The following CCDC186 variants were observed in gnomAD, a reference collection of about 807,000 sequenced individuals.
CCDC186 encodes the protein coiled-coil domain containing 186, also known as coiled-coil domain-containing protein 186.
In CCDC186, 49 loss-of-function variants were observed where a neutral mutation model predicts 113.7. The ratio of observed to expected loss-of-function variants is 0.43; its 90% confidence interval spans 0.34 to 0.55. The LOEUF is 0.55. Among genes scored for constraint, CCDC186 ranks in the 20% least tolerant of loss-of-function variants. The pLI, the probability that CCDC186 is intolerant of heterozygous loss-of-function variation, is 0.02. For synonymous variants in CCDC186, 355 were observed against 345.8 expected, an observed-to-expected ratio of 1.03 and a Z score of -0.30; for missense variants, 890 against 1,011.1, an observed-to-expected ratio of 0.88 and a Z score of 1.62.
At chr10:114,173,016 C>T in intron 1 of CCDC186, 1 of 289,374 alleles carries the variant, frequency 3.5e-6, no homozygotes, top group Non-Finnish European at 7.2e-6. Flanking sequence ...TGACTACCAG[C>T]ACACCTCTTG....
intron 10 of CCDC186, among the ~76,000 whole-genome samples, chr10:114,132,986 C>T (rs1254950262): frequency 1.3e-5 from 2 of 152,142 alleles, no homozygotes; most frequent in Non-Finnish European, 2.9e-5. Flanking sequence ...GGACAGGTCA[C>T]TAATCTTACA....
In CCDC186 at chr10:114,122,325, CAAAA is replaced by C. The variant is rs1210896054; in HGVS notation, c.*2814_*2817del. ...TGGTTATGAAGATAGAAAGTAAAAA[CAAAA>C]AAACCCCATCAAAGTTCAAATTCAT... On this transcript the variant is annotated 3_prime_UTR_variant, in exon 16 of 16. Coordinates refer to ENST00000369287, the MANE Select transcript of CCDC186 (RefSeq NM_018017.4). 1.3e-5 allele frequency: 2 copies of C among 151,898 alleles called. No homozygotes were observed. The highest frequency in any genetic ancestry group is 2.9e-5 in the Non-Finnish European group (2 of 67,930). The allele number at this position is 151,898 out of a possible 1,614,324, so 9.4% of individuals were successfully genotyped here.
chr10:114,140,496 A>C (rs1258097691), intron 6 of CCDC186, among the ~76,000 whole-genome samples: 1 of 152,258 alleles, frequency 6.6e-6, no homozygotes, highest in South Asian at 2.1e-4. Flanking sequence ...AGATGCCTTA[A>C]GTCATCCAAG....
In CCDC186 at chr10:114,162,645, G is replaced by T. The variant is rs761277253; in HGVS notation, c.624C>A (p.Ile208=). The part of the protein sequence containing the change: ...VQDKYLQQEH[I]IKKLIKENKK... ...AGGTATAAAAAACTTACTTTTTTAT[G>T]ATATGTTCCTGCTGCAAATATTTAT... Residue 208 remains isoleucine, a synonymous_variant, in exon 2 of 16, where the codon ATC becomes ATA. Coordinates refer to ENST00000369287, the MANE Select transcript of CCDC186 (RefSeq NM_018017.4). 2 of 1,559,724 alleles carry T rather than the reference G, an allele frequency of 1.3e-6. No homozygotes were observed. Among genetic ancestry groups the T allele is most frequent in the Admixed American group, 4.3e-5 (2 of 46,702 alleles).
chr10:114,162,612 T>A (rs1471596529), intron 2 of CCDC186, 25 bp downstream of exon 2: 10 of 1,471,076 alleles, frequency 6.8e-6, no homozygotes, highest in Non-Finnish European at 8.2e-6. Context: ...GGAAAAAAAA[T>A]AACCTAAAGG....
Position 114,126,061 on chromosome 10 carries a change from G to C in CCDC186, c.2438C>G (p.Ser813Cys). Residue 813 changes from serine to cysteine, a missense_variant, in exon 15 of 16, where the codon TCT (serine) becomes TGT (cysteine). Physicochemically the swap from Ser to Cys is moderately radical, Grantham distance 112. Coordinates refer to ENST00000369287, the MANE Select transcript of CCDC186 (RefSeq NM_018017.4). The part of the protein sequence containing the change: ...YILREESGTL[S>C]SEASDFNKVH... The stretch of plus-strand genomic sequence containing the variant: ...TTTGTTAAAATCAGATGCCTCTGAA[G>C]AAAGTGTGCCTGATTCTTCTCGTAA... 1.9e-6 allele frequency: 3 copies of C among 1,613,964 alleles called. No homozygotes were observed. Among genetic ancestry groups the C allele is most frequent in the Non-Finnish European group, 2.5e-6 (3 of 1,179,930 alleles).
rs748639560 is a variant in CCDC186, at chr10:114,123,266, A to G, written c.*1877T>C. On this transcript the variant is annotated 3_prime_UTR_variant, in exon 16 of 16. Transcript: ENST00000369287. Reference sequence around the variant, plus strand: ...AAAGAACAAGACACATTATGTTAAGACTAATACTTTTTATAACTATTCTAA... The same window carrying G: ...AAAGAACAAGACACATTATGTTAAGGCTAATACTTTTTATAACTATTCTAA... 5.2e-5 allele frequency: 8 copies of G among 152,626 alleles called. No individual in the cohort carries two copies. Among genetic ancestry groups the G allele is most frequent in the Admixed American group, 4.6e-4 (7 of 15,268 alleles). The allele number at this position is 152,626 out of a possible 1,614,324, so 9.5% of individuals were successfully genotyped here. A position where few individuals can be genotyped will look rare whatever the true frequency, so the allele number is the denominator to read the frequency against.
chr10:114,151,601 T>C (rs1178467880), intron 3 of CCDC186, among the ~76,000 whole-genome samples: 1 of 151,904 alleles, frequency 6.6e-6, no homozygotes, highest in Non-Finnish European at 1.5e-5. Context: ...TTCTGAGTAG[T>C]GTGATGAAAA....
intron 10 of CCDC186, among the ~76,000 whole-genome samples, chr10:114,133,421 A>G (rs1002262621): frequency 6.6e-6 from 1 of 152,212 alleles, no homozygotes; most frequent in Non-Finnish European, 1.5e-5. Flanking sequence ...CTAAAGTTTG[A>G]GGTATCTTTA....
intron 6 of CCDC186, 121 bp downstream of exon 6, chr10:114,144,376 T>C (rs1164889565): frequency 8.1e-7 from 1 of 1,232,926 alleles, no homozygotes; most frequent in Non-Finnish European, 1.1e-6. Flanking sequence ...GTTATTGCAT[T>C]TGCTCTTAAA....
At chr10:114,165,218 A>AT (rs1302148788) in intron 1 of CCDC186, among the ~76,000 whole-genome samples, 2 of 152,250 alleles carry the variant, frequency 1.3e-5, no homozygotes. Context: ...TGCTGCAGAT[A>AT]TTTTATAACC....
At position 114,122,539 on chromosome 10, in the gene CCDC186, C is replaced by CA. The variant is rs1245717979; in HGVS notation, c.*2603dup. ...ATAAACCACAATATTGATACATAACCAAAACAGCCTTGATATGTAACAACC... is the reference window on the plus strand; with the variant it reads ...ATAAACCACAATATTGATACATAACCAAAAACAGCCTTGATATGTAACAACC... On this transcript the variant is annotated 3_prime_UTR_variant, in exon 16 of 16. Coordinates refer to ENST00000369287, the MANE Select transcript of CCDC186 (RefSeq NM_018017.4). 2 of 152,016 alleles carry CA rather than the reference C, an allele frequency of 1.3e-5. No individual in the cohort carries two copies. The highest frequency in any genetic ancestry group is 1.5e-5 in the Non-Finnish European group (1 of 67,980). The allele number at this position is 152,016 out of a possible 1,614,324, so 9.4% of individuals were successfully genotyped here.
intron 6 of CCDC186, among the ~76,000 whole-genome samples, chr10:114,140,630 T>A (rs12761660): frequency 0.08 from 12,208 of 152,210 alleles, 575 homozygotes; most frequent in Middle Eastern, 0.14. Flanking sequence ...AAGTTGTAAA[T>A]CTGGGAGTCA....
chr10:114,135,133 G>A lies in CCDC186; in HGVS notation c.1513-78C>T, dbSNP rs1589611143. 1.3e-5 allele frequency: 18 copies of A among 1,345,620 alleles called. No homozygotes were observed. The East Asian group carries it at 4.9e-4, about 37-fold the overall frequency. 83.4% of individuals were successfully genotyped at this position (1,345,620 alleles called of 1,614,324 possible). A position where few individuals can be genotyped will look rare whatever the true frequency, so the allele number is the denominator to read the frequency against. On this transcript the variant is annotated intron_variant, in intron 9 of 15. Coordinates refer to ENST00000369287, the MANE Select transcript of CCDC186 (RefSeq NM_018017.4). Reference sequence around the variant, plus strand: ...ACTATTTTGTATAGTGGTTACATATGAATAATCTAAAAATTCTAAAGCACC... The same window carrying A: ...ACTATTTTGTATAGTGGTTACATATAAATAATCTAAAAATTCTAAAGCACC...
chr10:114,166,283 AAAGATT>A (rs1395874224), intron 1 of CCDC186, among the ~76,000 whole-genome samples: 3 of 152,200 alleles, frequency 2.0e-5, no homozygotes, highest in Non-Finnish European at 2.9e-5. Flanking sequence ...AGTCTAACTC[AAAGATT>A]CCCCCAACTT....
At chr10:114,133,990 A>G (rs1156335045) in intron 10 of CCDC186, among the ~76,000 whole-genome samples, 1 of 152,222 alleles carries the variant, frequency 6.6e-6, no homozygotes, top group Non-Finnish European at 1.5e-5. Flanking sequence ...AAGAAGAATA[A>G]TCAAGACAGA....
At chr10:114,166,724 G>A (rs2032344929) in intron 1 of CCDC186, among the ~76,000 whole-genome samples, 1 of 152,168 alleles carries the variant, frequency 6.6e-6, no homozygotes, top group African/African-American at 2.4e-5. Flanking sequence ...AGTGATCTAG[G>A]GAGCAAACAG....
intron 2 of CCDC186, 64 bp from the exon 3 acceptor site, chr10:114,157,744 A>AC: frequency 1.5e-6 from 2 of 1,298,468 alleles, no homozygotes; most frequent in Non-Finnish European, 2.1e-6. Flanking sequence ...TAATATGTGG[A>AC]ATATAATTTC....
chr10:114,132,769 C>T (rs2031128473), intron 10 of CCDC186, among the ~76,000 whole-genome samples: 1 of 152,142 alleles, frequency 6.6e-6, no homozygotes, highest in Non-Finnish European at 1.5e-5. Flanking sequence ...GTAAAGGGAA[C>T]AAACAGTATG....
Sources: gnomAD v4.1 joint callset for allele counts (sites outside exome capture counted in the v4.1 genomes callset) on GRCh38, gnomAD v4.1.1 for gene constraint, MANE v1.5 for transcripts, NCBI Gene and HGNC (gene_info 2026-07-23, HGNC 2026-07-21) for gene names.